SPACA3: variants seen among roughly 807,000 people sequenced by gnomAD.
SPACA3 encodes sperm acrosome associated 3.
Under a neutral mutation model 24.5 loss-of-function variants are expected in SPACA3, and 21 were observed. The observed-to-expected ratio is 0.86, with a 90% confidence interval of 0.61 to 1.24. The LOEUF (loss-of-function observed/expected upper bound fraction) is 1.24. SPACA3 is among the 50% of genes most tolerant of loss of function. The pLI, the probability that SPACA3 is intolerant of heterozygous loss-of-function variation, is 0.00. For synonymous variants in SPACA3, 115 were observed against 106.9 expected (o/e 1.08, Z -0.47); for missense variants, 278 against 275.5 (o/e 1.01, Z -0.06).
chr17:32,995,787 T>C, intron 2 of SPACA3, 70 bp downstream of exon 2: 1 of 1,520,224 alleles, frequency 6.6e-7, no homozygotes, highest in Non-Finnish European at 8.9e-7. Context: ...CCCTCTCTCC[T>C]TCTCATTCAA....
chr17:32,996,445 C>T lies in SPACA3; in HGVS notation c.344-398C>T, dbSNP rs532460536. Among the ~76,000 whole-genome samples, 18 of 149,422 alleles carry T rather than the reference C, an allele frequency of 1.2e-4. No individual in the cohort carries two copies. In the East Asian group the frequency reaches 2.0e-3, roughly 16 times the overall value. On this transcript the variant is annotated intron_variant, in intron 2 of 4. Transcript: ENST00000269053. Reference sequence around the variant, plus strand: ...CAGAGGTTGCAGTGAGCTGAGATCACGCCACTACACTGCAGCCTGGGCAAC... The same window carrying T: ...CAGAGGTTGCAGTGAGCTGAGATCATGCCACTACACTGCAGCCTGGGCAAC...
chr17:32,995,311 G>T, intron 1 of SPACA3, 98 bp from the exon 2 acceptor site: 2 of 1,189,460 alleles, frequency 1.7e-6, no homozygotes, highest in East Asian at 2.4e-5. Context: ...GGCTGGTCTC[G>T]GGGTCAGGGT....
Position 32,995,649 on chromosome 17 carries a change from G to C in SPACA3, c.275G>C (p.Arg92Pro). The change falls in exon 2 of 5, where the codon CGT (arginine) becomes CCT (proline). Residue 92 changes from arginine to proline, a missense_variant. Coordinates refer to ENST00000269053, the MANE Select transcript of SPACA3 (RefSeq NM_173847.5). ...LPSSEAKLYGRCELARVLHDF... is the reference protein window; with the variant it reads ...LPSSEAKLYGPCELARVLHDF... Reference sequence around the variant, plus strand: ...TCCAGTGAGGCCAAGCTCTACGGTCGTTGTGAACTGGCCAGAGTGCTACAT... The same window carrying C: ...TCCAGTGAGGCCAAGCTCTACGGTCCTTGTGAACTGGCCAGAGTGCTACAT... 1 of 1,614,202 alleles carries C rather than the reference G, an allele frequency of 6.2e-7. No homozygotes were observed. Among genetic ancestry groups the C allele is most frequent in the Non-Finnish European group, 8.5e-7 (1 of 1,180,030 alleles).
At chr17:32,992,737 T>C (rs554353784) in intron 1 of SPACA3, 1 of 380,070 alleles carries the variant, frequency 2.6e-6, no homozygotes, top group Admixed American at 3.4e-5. Context: ...AGAGGGTGAA[T>C]GTTCTAGAAA....
At chr17:32,997,377 T>TCACACA (rs538091519) in intron 3 of SPACA3, 68 bp from the exon 4 acceptor site, 3 of 936,968 alleles carry the variant, frequency 3.2e-6, no homozygotes, top group Admixed American at 2.1e-5. Flanking sequence ...AGATACACAC[T>TCACACA]CACACACACA....
intron 1 of SPACA3, 112 bp from the exon 2 acceptor site, chr17:32,995,297 G>A: frequency 3.0e-6 from 3 of 998,272 alleles, no homozygotes; most frequent in Non-Finnish European, 4.4e-6. Context: ...TGGGGAAGGA[G>A]AGGGGCTGGT....
chr17:32,994,622 T>C (rs545357020), intron 1 of SPACA3, among the ~76,000 whole-genome samples: 10 of 152,118 alleles, frequency 6.6e-5, no homozygotes, highest in African/African-American at 1.9e-4. Context: ...TGGTGGGCAG[T>C]GGGATAGGAG....
At chr17:32,997,318 T>TGC in intron 3 of SPACA3, 127 bp from the exon 4 acceptor site, 1 of 708,728 alleles carries the variant, frequency 1.4e-6, no homozygotes. Context: ...GTGGAGTGTG[T>TGC]GTGTGTGTGT....
intron 3 of SPACA3, 100 bp from the exon 4 acceptor site, chr17:32,997,341 GTGTA>G (rs764730794): frequency 3.9e-6 from 3 of 766,968 alleles, no homozygotes; most frequent in Non-Finnish European, 4.2e-6. Flanking sequence ...GTGTGTGTGT[GTGTA>G]GAGAGAGAGA....
chr17:32,992,776 C>T (rs1307107271), intron 1 of SPACA3: 1 of 417,000 alleles, frequency 2.4e-6, no homozygotes, highest in Admixed American at 2.9e-5. Context: ...AACAAGGTGG[C>T]ACTGCTGAAA....
chr17:32,992,181 T>C (rs2091693631), intron 1 of SPACA3, among the ~76,000 whole-genome samples: 1 of 108,548 alleles, frequency 9.2e-6, no homozygotes, highest in African/African-American at 4.5e-5. Context: ...TAAGTCACTT[T>C]TCTACAAAAA....
chr17:32,994,070 A>C (rs16967835), intron 1 of SPACA3, among the ~76,000 whole-genome samples: 21,651 of 152,122 alleles, frequency 0.14, 1,846 homozygotes, highest in African/African-American at 0.24. Context: ...TTCTTAGTGC[A>C]GCAGGAGACG....
chr17:32,992,938 G>T (rs1382661690), intron 1 of SPACA3: 1 of 471,100 alleles, frequency 2.1e-6, no homozygotes, highest in Non-Finnish European at 4.4e-6. Context: ...TGATGGATGT[G>T]TATAGAATAG....
chr17:32,995,754 C>T (rs1328411923), intron 2 of SPACA3, 37 bp downstream of exon 2: 2 of 1,588,994 alleles, frequency 1.3e-6, no homozygotes, highest in East Asian at 4.5e-5. Context: ...CTGACTTCCC[C>T]ACACCTCCCT....
intron 1 of SPACA3, among the ~76,000 whole-genome samples, chr17:32,993,629 A>AT (rs570586670): frequency 9.1e-4 from 139 of 152,160 alleles, no homozygotes; most frequent in Non-Finnish European, 1.7e-3. Context: ...GAGCAGTTTC[A>AT]GCGCGCGGTG....
rs776956652 is a variant in SPACA3, at chr17:32,996,850, C to T, written c.351C>T (p.Cys117=). The change falls in exon 3 of 5, where the codon TGC becomes TGT. Residue 117 remains cysteine (C), a synonymous_variant. Transcript: ENST00000269053. ...ATGCTCTGCCCTATGCAGGGGTCTG[C>T]CTTGCTTATTTCACAAGCGGTTTCA... The part of the protein sequence containing the change: ...YRGYSLADWV[C]LAYFTSGFNA... 8.2e-6 allele frequency: 13 copies of T among 1,594,504 alleles called. No homozygotes were observed. The highest frequency in any genetic ancestry group is 1.3e-5 in the African/African-American group (1 of 74,468).
intron 2 of SPACA3, among the ~76,000 whole-genome samples, chr17:32,996,430 A>T (rs546583774): frequency 3.3e-5 from 5 of 150,102 alleles, no homozygotes; most frequent in Admixed American, 1.3e-4. Context: ...CAGAGGTTGC[A>T]GTGAGCTGAG....
In SPACA3 at chr17:32,996,794, G is replaced by T; in HGVS notation, c.344-49G>T. 6 of 1,457,146 alleles carry T rather than the reference G, an allele frequency of 4.1e-6. No homozygotes were observed. In the South Asian group the frequency reaches 9.4e-5, roughly 23 times the overall value. The allele number at this position is 1,457,146 out of a possible 1,614,324, so 90.3% of individuals were successfully genotyped here. ...CCTGTGCAGTGAGCACCCTGGTCTGGGGTGGCTGTAACCATCTGACCCCCA... is the reference window on the plus strand; with the variant it reads ...CCTGTGCAGTGAGCACCCTGGTCTGTGGTGGCTGTAACCATCTGACCCCCA... On this transcript the variant is annotated intron_variant, in intron 2 of 4. Coordinates refer to ENST00000269053, the MANE Select transcript of SPACA3 (RefSeq NM_173847.5).
At chr17:32,992,256 A>G (rs2091694369) in intron 1 of SPACA3, among the ~76,000 whole-genome samples, 1 of 151,978 alleles carries the variant, frequency 6.6e-6, no homozygotes, top group Admixed American at 6.6e-5. Flanking sequence ...CTCCTCTACA[A>G]CTTAGGGATA....
Sources: allele counts gnomAD v4.1 joint callset (sites outside exome capture counted in the v4.1 genomes callset), GRCh38; gene constraint gnomAD v4.1.1; transcripts MANE v1.5; gene names NCBI Gene and HGNC (gene_info 2026-07-23, HGNC 2026-07-21).